The following ZXDC variants were observed in gnomAD, a reference collection of about 807,000 sequenced individuals.
ZXDC encodes the protein zinc finger protein ZXDC.
In ZXDC, 58 loss-of-function variants were observed where a neutral mutation model predicts 63.6. That is an observed-to-expected ratio of 0.91 (90% confidence interval 0.74 to 1.13). The LOEUF (loss-of-function observed/expected upper bound fraction) is 1.13, where lower values mean the gene tolerates loss of function less well. Among genes scored for constraint, ZXDC ranks in the 50% most tolerant of loss-of-function variants. The pLI, the probability that ZXDC is intolerant of heterozygous loss-of-function variation, is 0.00. For synonymous variants in ZXDC, 561 were observed against 496.1 expected (o/e 1.13, Z -1.74); for missense variants, 1,133 against 1,148.9 (o/e 0.99, Z 0.20).
intron 7 of ZXDC, chr3:126,451,641 G>A (rs1395124193): frequency 9.1e-6 from 9 of 985,270 alleles, no homozygotes; most frequent in East Asian, 2.3e-4. Context: ...AGGCCTAGCC[G>A]ACCTGGCCCT....
chr3:126,439,539 G>C, intron 9 of ZXDC, 93 bp downstream of exon 9: 1 of 1,547,804 alleles, frequency 6.5e-7, no homozygotes, highest in Non-Finnish European at 8.7e-7. Context: ...CGCGGCCTCA[G>C]TGACCAGCCT....
At chr3:126,461,063 A>T in intron 6 of ZXDC, 1 of 985,446 alleles carries the variant, frequency 1.0e-6, no homozygotes, top group Admixed American at 6.1e-5. Context: ...TCCAAGAACT[A>T]AGGCTCATAA....
At position 126,475,077 on chromosome 3, in the gene ZXDC, C is replaced by T. The variant is rs1255334915; in HGVS notation, c.789G>A (p.Glu263=). The T allele has an allele frequency of 1.9e-6, 3 of 1,607,496 alleles. No individual in the cohort carries two copies. The highest frequency in any genetic ancestry group is 1.6e-4 in the Middle Eastern group (1 of 6,062). Residue 263 remains glutamate (E), a synonymous_variant, in exon 1 of 10, where the codon GAG becomes GAA. Transcript: ENST00000389709. ...CCTCGCACTTGAACAGGCTCTCCTG[C>T]TCGTGGCCCTTCATGTGCGCCTTGA... ...YNLKAHMKGH[E]QESLFKCEVC... is the part of the protein sequence containing the mutation.
At chr3:126,460,791 G>C in intron 6 of ZXDC, 19 of 985,220 alleles carry the variant, frequency 1.9e-5, no homozygotes, top group Non-Finnish European at 2.3e-5. Flanking sequence ...CCTCACAACT[G>C]ATCCTACTGC....
intron 5 of ZXDC, 57 bp downstream of exon 5, chr3:126,466,098 C>CCCGGCACTGGCAT: frequency 1.3e-6 from 2 of 1,564,628 alleles, no homozygotes; most frequent in East Asian, 4.5e-5. Flanking sequence ...GGCACTGGCA[C>CCCGGCACTGGCAT]TGTTCCCGTT....
intron 5 of ZXDC, among the ~76,000 whole-genome samples, chr3:126,463,793 A>C (rs1329877653): frequency 6.6e-6 from 1 of 152,200 alleles, no homozygotes; most frequent in African/African-American, 2.4e-5. Flanking sequence ...GCAGGCTGTG[A>C]ACACCTGGCC....
At chr3:126,466,649 C>G (rs1304201980) in intron 4 of ZXDC, among the ~76,000 whole-genome samples, 3 of 152,200 alleles carry the variant, frequency 2.0e-5, no homozygotes, top group Non-Finnish European at 4.4e-5. Flanking sequence ...GTATTAACTG[C>G]TTAAATATTC....
chr3:126,461,089 T>C (rs1934512208), intron 6 of ZXDC: 1 of 985,992 alleles, frequency 1.0e-6, no homozygotes, highest in African/African-American at 1.7e-5. Context: ...ACCCTTTTTT[T>C]TTTTCTTGTT....
chr3:126,467,788 TG>T (rs888913800), intron 4 of ZXDC, among the ~76,000 whole-genome samples: 1 of 152,056 alleles, frequency 6.6e-6, no homozygotes, highest in Admixed American at 6.6e-5. Context: ...CTTTCCCAGC[TG>T]GGGGTCCTGA....
In ZXDC at chr3:126,475,373, G is replaced by A. The variant is rs1935157721; in HGVS notation, c.493C>T (p.Pro165Ser). 3.2e-6 allele frequency: 4 copies of A among 1,260,140 alleles called. No individual in the cohort carries two copies. The highest frequency in any genetic ancestry group is 4.0e-6 in the Non-Finnish European group (4 of 1,001,022). 78.1% of individuals were successfully genotyped at this position (1,260,140 alleles called of 1,614,324 possible). The change falls in exon 1 of 10, where the codon CCC becomes TCC. Residue 165 changes from proline to serine, a missense_variant. Physicochemically the swap from Pro to Ser is moderately conservative, Grantham distance 74. Coordinates refer to ENST00000389709, the MANE Select transcript of ZXDC (RefSeq NM_025112.5). ...TAGAAAPRRA[P>S]QASGPSTPGY... ...GGCGTGCTGGGGCCGGAGGCCTGGGGCGCGCGGCGGGGAGCGGCGGCGCCC... is the reference window on the plus strand; with the variant it reads ...GGCGTGCTGGGGCCGGAGGCCTGGGACGCGCGGCGGGGAGCGGCGGCGCCC...
chr3:126,452,603 C>T, intron 7 of ZXDC: 1 of 973,562 alleles, frequency 1.0e-6, no homozygotes, highest in Non-Finnish European at 1.2e-6. Context: ...GATTTCGTAA[C>T]ATTAAATCAT....
intron 4 of ZXDC, among the ~76,000 whole-genome samples, chr3:126,468,986 A>G (rs1221206070): frequency 2.6e-5 from 4 of 152,226 alleles, no homozygotes; most frequent in Non-Finnish European, 5.9e-5. Context: ...CAACAACGAC[A>G]GTAACTGACA....
chr3:126,471,103 C>T, intron 3 of ZXDC, 78 bp from the exon 4 acceptor site: 1 of 1,528,470 alleles, frequency 6.5e-7, no homozygotes, highest in Admixed American at 2.1e-5. Flanking sequence ...CAAAACATAC[C>T]AAAACACAAA....
rs1332452031 is a variant in ZXDC at position 126,459,638 on chromosome 3, C to T, written c.2212+15G>A. 6.2e-7 allele frequency: 1 copy of T among 1,614,150 alleles called. No individual in the cohort carries two copies. The highest frequency in any genetic ancestry group is 8.5e-7 in the Non-Finnish European group (1 of 1,180,034). ...CAGGCCCTTGCTCGTCCGGCTGCAG[C>T]ACACACGGCCTCACCTGCATTGCTC... On this transcript the variant is annotated intron_variant, in intron 7 of 9. Transcript: ENST00000389709.
chr3:126,475,822 C>T lies in ZXDC; in HGVS notation c.44G>A (p.Gly15Glu), dbSNP rs1191782693. Residue 15 changes from glycine (G) to glutamate (E), a missense_variant, in exon 1 of 10, where the codon GGG becomes GAG. Transcript: ENST00000389709. ...CGGGCCGGGGCCGCCGCCATGTTGC[C>T]CTCCGCGCGCAGTCGGGGCGGGGAG... ...ALLPAPTARG[G>E]QHGGGPGPLR... 1.5e-5 allele frequency: 16 copies of T among 1,083,584 alleles called. No homozygotes were observed. The highest frequency in any genetic ancestry group is 4.3e-5 in the South Asian group (1 of 23,002). The allele number at this position is 1,083,584 out of a possible 1,614,324, so 67.1% of individuals were successfully genotyped here. A position where few individuals can be genotyped will look rare whatever the true frequency, so the allele number is the denominator to read the frequency against.
At chr3:126,455,445 A>T (rs1476961720) in intron 7 of ZXDC, among the ~76,000 whole-genome samples, 1 of 152,188 alleles carries the variant, frequency 6.6e-6, no homozygotes, top group African/African-American at 2.4e-5. Context: ...TGCATGTTGG[A>T]TTCTATATAC....
chr3:126,453,539 CT>C (rs1934191555), intron 7 of ZXDC: 1 of 985,284 alleles, frequency 1.0e-6, no homozygotes, highest in Non-Finnish European at 1.2e-6. Flanking sequence ...TTCTAAGACC[CT>C]CACATGTAAT....
chr3:126,439,839 C>A (rs920176330), intron 8 of ZXDC, 112 bp from the exon 9 acceptor site: 2 of 1,455,302 alleles, frequency 1.4e-6, no homozygotes, highest in South Asian at 1.4e-5. Flanking sequence ...ACCAGCCCAC[C>A]CCCTGTATTC....
intron 6 of ZXDC, chr3:126,460,036 T>A: frequency 1.0e-6 from 1 of 985,454 alleles, no homozygotes; most frequent in Non-Finnish European, 1.2e-6. Context: ...TACATACTTC[T>A]CTGCTTTCTG....
Sources: allele counts gnomAD v4.1 joint callset (sites outside exome capture counted in the v4.1 genomes callset), GRCh38; gene constraint gnomAD v4.1.1; transcripts MANE v1.5; gene names NCBI Gene and HGNC (gene_info 2026-07-23, HGNC 2026-07-21).